The following NPSR1 variants were observed in gnomAD, a reference collection of about 807,000 sequenced individuals.
The protein encoded by NPSR1 is neuropeptide S receptor 1, also known as neuropeptide S receptor.
In NPSR1, 48 loss-of-function variants were observed where a neutral mutation model predicts 46.9. The observed-to-expected ratio is 1.02, with a 90% CI of 0.81 to 1.30. The LOEUF (loss-of-function observed/expected upper bound fraction) is 1.30, where lower values mean the gene tolerates loss of function less well. Among genes scored for constraint, NPSR1 ranks in the 50% most tolerant of loss-of-function variants. The pLI, the probability that NPSR1 is intolerant of heterozygous loss-of-function variation, is 0.00. For missense variants in NPSR1, 450 were observed against 449.5 expected (o/e 1.00, Z -0.01); for synonymous variants, 176 against 168.1 (o/e 1.05, Z -0.36).
intron 3 of NPSR1, among the ~76,000 whole-genome samples, chr7:34,802,379 T>C (rs1249008899): frequency 1.3e-5 from 2 of 149,930 alleles, no homozygotes; most frequent in Admixed American, 1.3e-4. Flanking sequence ...TATAGATCAA[T>C]GGAACAGAAC....
chr7:34,690,635 CA>C (rs1193762157), intron 2 of NPSR1, among the ~76,000 whole-genome samples: 1 of 152,072 alleles, frequency 6.6e-6, no homozygotes, highest in Non-Finnish European at 1.5e-5. Flanking sequence ...GAAAGACTTT[CA>C]GAACTAGAAG....
chr7:34,708,252 A>G (rs1794207131), intron 2 of NPSR1, among the ~76,000 whole-genome samples: 1 of 152,194 alleles, frequency 6.6e-6, no homozygotes, highest in African/African-American at 2.4e-5. Context: ...TGCAAGTTTT[A>G]TTAGAAATAT....
intron 7 of NPSR1, among the ~76,000 whole-genome samples, chr7:34,848,028 G>A (rs773083547): frequency 1.3e-5 from 2 of 152,174 alleles, no homozygotes; most frequent in Non-Finnish European, 2.9e-5. Flanking sequence ...AGAAAATATT[G>A]TGATCACCCC....
At chr7:34,710,448 A>T (rs1330496374) in intron 2 of NPSR1, among the ~76,000 whole-genome samples, 1 of 152,250 alleles carries the variant, frequency 6.6e-6, no homozygotes, top group Non-Finnish European at 1.5e-5. Flanking sequence ...AGCAAGAGCT[A>T]AAAGAGTTTC....
chr7:34,748,293 C>T (rs1027876045), intron 2 of NPSR1, among the ~76,000 whole-genome samples: 3 of 152,238 alleles, frequency 2.0e-5, no homozygotes, highest in African/African-American at 7.2e-5. Flanking sequence ...CTCTGTGAAG[C>T]TGCTATTCTT....
chr7:34,839,951 G>T (rs1188399168), intron 6 of NPSR1, among the ~76,000 whole-genome samples: 1 of 152,140 alleles, frequency 6.6e-6, no homozygotes, highest in East Asian at 1.9e-4. Context: ...TAGTCTAGTT[G>T]TGTGCCCTGG....
chr7:34,874,450 A>C lies in NPSR1; in HGVS notation c.1026-3626A>C, dbSNP rs1444788478. On this transcript the variant is annotated intron_variant, in intron 8 of 8. Coordinates refer to the NPSR1 transcript ENST00000359791. ...CCTGATGAAAATGGGCACCGGTTAA[A>C]ATAAAAAAAGGAGGGATAATTTGGG... is the stretch of plus-strand genomic sequence containing the variant. Among the ~76,000 whole-genome samples the C allele has an allele frequency of 2.0e-5, 3 of 152,158 alleles. No individual in the cohort carries two copies. The South Asian group carries it at 6.2e-4, about 32-fold the overall frequency.
At chr7:34,721,564 A>C (rs999110042) in intron 2 of NPSR1, among the ~76,000 whole-genome samples, 1 of 152,236 alleles carries the variant, frequency 6.6e-6, no homozygotes, top group Non-Finnish European at 1.5e-5. Context: ...ACTGCATGCC[A>C]GGCCCTGCAA....
intron 4 of NPSR1, among the ~76,000 whole-genome samples, chr7:34,822,160 G>A (rs1249110426): frequency 6.6e-6 from 1 of 152,180 alleles, no homozygotes; most frequent in Non-Finnish European, 1.5e-5. Flanking sequence ...AGGGCAGCCG[G>A]TGAGAACGCG....
chr7:34,710,808 A>G (rs764739150), intron 2 of NPSR1: 1 of 515,314 alleles, frequency 1.9e-6, no homozygotes, highest in Non-Finnish European at 3.6e-6. Context: ...AGAAACCCTT[A>G]AGAAAAAGCA....
In NPSR1 at chr7:34,872,460, G is replaced by A. The variant is rs138700517; in HGVS notation, c.1026-5616G>A. ...GGTCAGGCTAATTTGCCTAGCAAGT[G>A]GTTGCTCCACAGCGTGCTTGAACTT... On this transcript the variant is annotated intron_variant, in intron 8 of 8. Coordinates refer to the NPSR1 transcript ENST00000359791. 1.1e-3 allele frequency among the ~76,000 whole-genome samples: 166 copies of A among 152,074 alleles called. 8 individuals are homozygous for A. The highest frequency in any genetic ancestry group is 3.8e-3 in the African/African-American group (158 of 41,300).
chr7:34,825,356 G>A (rs1242514311), intron 4 of NPSR1, among the ~76,000 whole-genome samples: 1 of 152,116 alleles, frequency 6.6e-6, no homozygotes, highest in East Asian at 1.9e-4. Context: ...CAGGTGACTC[G>A]ATGTCTACAT....
At chr7:34,820,713 G>T (rs999002456) in intron 4 of NPSR1, among the ~76,000 whole-genome samples, 1 of 152,100 alleles carries the variant, frequency 6.6e-6, no homozygotes, top group African/African-American at 2.4e-5. Context: ...GAAATGGCAG[G>T]GTTGGGTAGT....
chr7:34,690,245 A>T (rs941443405), intron 2 of NPSR1, among the ~76,000 whole-genome samples: 2 of 151,668 alleles, frequency 1.3e-5, no homozygotes, highest in Admixed American at 1.3e-4. Flanking sequence ...TGAGGAAAAA[A>T]GTCACATCCA....
intron 6 of NPSR1, among the ~76,000 whole-genome samples, chr7:34,840,701 G>A (rs753415489): frequency 9.9e-5 from 15 of 152,180 alleles, no homozygotes; most frequent in African/African-American, 2.2e-4. Flanking sequence ...CTGCCCAGCC[G>A]GAGCCCCTCA....
At chr7:34,731,911 C>T (rs1784433843) in intron 2 of NPSR1, among the ~76,000 whole-genome samples, 1 of 151,980 alleles carries the variant, frequency 6.6e-6, no homozygotes. Context: ...CCAGGTGCAG[C>T]GGCTCATGCC....
At chr7:34,846,836 G>A (rs1172106943) in intron 7 of NPSR1, among the ~76,000 whole-genome samples, 1 of 152,146 alleles carries the variant, frequency 6.6e-6, no homozygotes. Flanking sequence ...GTAAAACAAA[G>A]TCAGGGATAA....
At chr7:34,768,933 G>A (rs1786552136) in intron 2 of NPSR1, among the ~76,000 whole-genome samples, 1 of 152,104 alleles carries the variant, frequency 6.6e-6, no homozygotes, top group South Asian at 2.1e-4. Flanking sequence ...TTCCTGGCTT[G>A]GGTGTCCCTA....
intron 2 of NPSR1, among the ~76,000 whole-genome samples, chr7:34,758,648 C>T (rs1786002397): frequency 6.6e-6 from 1 of 152,096 alleles, no homozygotes; most frequent in Non-Finnish European, 1.5e-5. Flanking sequence ...GTACAAATAC[C>T]CCCATGTACC....
Sources: gnomAD v4.1 joint callset for allele counts (sites outside exome capture counted in the v4.1 genomes callset) on GRCh38, gnomAD v4.1.1 for gene constraint, MANE v1.5 for transcripts, NCBI Gene and HGNC (gene_info 2026-07-23, HGNC 2026-07-21) for gene names.